The following PRORP variants were observed in gnomAD, a reference collection of about 807,000 sequenced individuals.
The protein encoded by PRORP is protein only RNase P catalytic subunit, also known as mitochondrial ribonuclease P catalytic subunit.
In PRORP, 51 loss-of-function variants were observed where a neutral mutation model predicts 59.4. The observed-to-expected ratio is 0.86, with a 90% CI of 0.69 to 1.08. The LOEUF is 1.08. PRORP is among the 50% of genes least tolerant of loss of function. PRORP has a pLI of 0.00. For missense variants in PRORP, 646 were observed against 690.3 expected, an observed-to-expected ratio of 0.94 and a Z score of 0.72; for synonymous variants, 231 against 245.6, an observed-to-expected ratio of 0.94 and a Z score of 0.55.
At position 35,193,952 on chromosome 14, in the gene PRORP, G is replaced by C. The variant is rs551345647; in HGVS notation, c.1275+13175G>C. ...GGTGTCCTTCTTTGAAGAACATACT[G>C]TCTTCATGTCTGCTCTGAGAAGCTG... On this transcript the variant is annotated intron_variant, in intron 5 of 7. Transcript: ENST00000534898. Among the ~76,000 whole-genome samples the C allele has an allele frequency of 2.6e-5, 4 of 152,160 alleles. 1 individual carries two copies. Among genetic ancestry groups the C allele is most frequent in the Middle Eastern group, 6.8e-3 (2 of 294 alleles).
intron 4 of PRORP, among the ~76,000 whole-genome samples, chr14:35,130,521 G>A (rs1030789527): frequency 4.7e-5 from 7 of 148,994 alleles, no homozygotes; most frequent in African/African-American, 1.5e-4. Context: ...TCACTCTGTC[G>A]CCCAGGTTGG....
At chr14:35,204,710 C>T (rs996681282) in intron 5 of PRORP, among the ~76,000 whole-genome samples, 7 of 152,112 alleles carry the variant, frequency 4.6e-5, no homozygotes, top group African/African-American at 1.7e-4. Context: ...GTACCGGTAA[C>T]TCTATGTACA....
At chr14:35,160,130 T>A (rs147912488) in intron 4 of PRORP, among the ~76,000 whole-genome samples, 1 of 152,348 alleles carries the variant, frequency 6.6e-6, no homozygotes, top group African/African-American at 2.4e-5. Flanking sequence ...ACTCAGATAT[T>A]TGTATAAGTT....
chr14:35,214,859 A>G (rs887269452), intron 5 of PRORP, among the ~76,000 whole-genome samples: 3 of 152,210 alleles, frequency 2.0e-5, no homozygotes, highest in African/African-American at 7.2e-5. Flanking sequence ...GTGAGCCGAG[A>G]TCGTGCCACT....
chr14:35,138,122 C>G (rs990769804), intron 4 of PRORP, among the ~76,000 whole-genome samples: 4 of 145,636 alleles, frequency 2.7e-5, no homozygotes, highest in Non-Finnish European at 6.1e-5. Flanking sequence ...CGATGGCTAC[C>G]TTCTTGTGGT....
chr14:35,175,131 C>T (rs966144898), intron 4 of PRORP, among the ~76,000 whole-genome samples: 7 of 151,966 alleles, frequency 4.6e-5, no homozygotes, highest in Non-Finnish European at 1.0e-4. Flanking sequence ...TTTTCTTAAC[C>T]CAGTCTATCA....
chr14:35,151,785 G>A (rs1352333558), intron 4 of PRORP, among the ~76,000 whole-genome samples: 1 of 152,002 alleles, frequency 6.6e-6, no homozygotes, highest in Non-Finnish European at 1.5e-5. Flanking sequence ...ACTCAGAATA[G>A]TGCTTTACAT....
At chr14:35,179,533 T>G (rs2048544049) in intron 4 of PRORP, among the ~76,000 whole-genome samples, 1 of 152,194 alleles carries the variant, frequency 6.6e-6, no homozygotes, top group Non-Finnish European at 1.5e-5. Context: ...ATCGAGTCGG[T>G]TACTGAAGCT....
At chr14:35,187,381 T>C (rs1348770640) in intron 5 of PRORP, among the ~76,000 whole-genome samples, 2 of 152,060 alleles carry the variant, frequency 1.3e-5, no homozygotes, top group Non-Finnish European at 2.9e-5. Flanking sequence ...TTTTTGTTTG[T>C]TTTGGTCATG....
chr14:35,149,698 A>G (rs1223119558), intron 4 of PRORP, among the ~76,000 whole-genome samples: 2 of 152,216 alleles, frequency 1.3e-5, no homozygotes, highest in African/African-American at 2.4e-5. Context: ...CAGACCACCA[A>G]AACTTTCTTC....
At chr14:35,230,938 A>AACACACACACACACACAC (rs60270535) in intron 5 of PRORP, among the ~76,000 whole-genome samples, 1 of 144,466 alleles carries the variant, frequency 6.9e-6, no homozygotes, top group Non-Finnish European at 1.5e-5. Context: ...AGGAAAAGAG[A>AACACACACACACACACAC]ACACACACAC....
At chr14:35,134,951 A>G (rs1207665284) in intron 4 of PRORP, among the ~76,000 whole-genome samples, 1 of 152,182 alleles carries the variant, frequency 6.6e-6, no homozygotes, top group Non-Finnish European at 1.5e-5. Context: ...TGGGAACTCC[A>G]GTTTCAACCA....
Position 35,270,613 on chromosome 14 carries a change from T to C in PRORP, c.1620+17T>C, listed in dbSNP as rs780087279. 25 of 1,598,816 alleles carry C rather than the reference T, an allele frequency of 1.6e-5. No individual in the cohort carries two copies. Among genetic ancestry groups the C allele is most frequent in the Non-Finnish European group, 2.1e-5 (24 of 1,166,510 alleles). On this transcript the variant is annotated intron_variant, in intron 7 of 7. Transcript: ENST00000534898. ...ACCTTTCAGGTAATGGTACCTGTTC[T>C]TTATGTAATATTAACAGAGTCAAGT...
In PRORP at chr14:35,273,555, C is replaced by G. The variant is rs1489591167; in HGVS notation, c.1741C>G (p.Gln581Glu). ...ACCAACCAAATGGCTTTGCCTCCAC[C>G]AAAAGACATAGAGATTCTTACCTCT... is the stretch of plus-strand genomic sequence containing the variant. ...EVPTKWLCLH[Q>E]KT The change falls in exon 8 of 8, where the codon CAA becomes GAA. Residue 581 changes from glutamine (Q) to glutamate (E), a missense_variant. Physicochemically the swap from Gln to Glu is conservative, Grantham distance 29. Transcript: ENST00000534898. The G allele has an allele frequency of 6.2e-7, 1 of 1,612,842 alleles. No individual in the cohort carries two copies.
chr14:35,190,417 A>C (rs900622899), intron 5 of PRORP, among the ~76,000 whole-genome samples: 2 of 150,308 alleles, frequency 1.3e-5, no homozygotes, highest in African/African-American at 4.9e-5. Context: ...AAAAAAAAAA[A>C]GTATTGCAAA....
chr14:35,165,645 T>TG (rs11425086), intron 4 of PRORP, among the ~76,000 whole-genome samples: 84,841 of 151,706 alleles, frequency 0.56, 23,963 homozygotes, highest in East Asian at 0.69. Context: ...TTTTTTTCAT[T>TG]TTTCCCAGAG....
At chr14:35,239,666 G>T (rs1446748987) in intron 5 of PRORP, among the ~76,000 whole-genome samples, 3 of 152,196 alleles carry the variant, frequency 2.0e-5, no homozygotes, top group Non-Finnish European at 4.4e-5. Flanking sequence ...TTCAGACGTT[G>T]CCTGCAAGCA....
At position 35,221,061 on chromosome 14, in the gene PRORP, G is replaced by A. The variant is rs1364954620; in HGVS notation, c.1275+40284G>A. 2.0e-5 allele frequency among the ~76,000 whole-genome samples: 3 copies of A among 152,162 alleles called. No individual in the cohort carries two copies. In the East Asian group the frequency reaches 5.8e-4, roughly 29 times the overall value. ...GAGCAGCCAGTACAAATGCCCACAA[G>A]TTGTAGTAGATATTAGCTGGGTTTC... On this transcript the variant is annotated intron_variant, in intron 5 of 7. Coordinates refer to ENST00000534898, the MANE Select transcript of PRORP (RefSeq NM_014672.4).
At chr14:35,243,843 C>T (rs1371219806) in intron 5 of PRORP, among the ~76,000 whole-genome samples, 1 of 151,988 alleles carries the variant, frequency 6.6e-6, no homozygotes, top group Middle Eastern at 3.2e-3. Flanking sequence ...TGTATAAGCA[C>T]ATTAATATTT....
Sources: allele counts gnomAD v4.1 joint callset (sites outside exome capture counted in the v4.1 genomes callset), GRCh38; gene constraint gnomAD v4.1.1; transcripts MANE v1.5; gene names NCBI Gene and HGNC (gene_info 2026-07-23, HGNC 2026-07-21).